The following SLC2A9 variants were observed in gnomAD, a reference collection of about 807,000 sequenced individuals.
The protein encoded by SLC2A9 is solute carrier family 2 member 9.
SLC2A9 carries 39 observed loss-of-function variants against 50.6 expected under a neutral mutation model. The ratio of observed to expected loss-of-function variants is 0.77; its 90% CI spans 0.60 to 1.01. SLC2A9 has a LOEUF of 1.01. Among genes scored for constraint, SLC2A9 ranks in the 50% least tolerant of loss-of-function variants. The pLI is 0.00. For synonymous variants in SLC2A9, 324 were observed against 276.9 expected (o/e 1.17, Z -1.69); for missense variants, 686 against 677.6 (o/e 1.01, Z -0.14).
At chr4:9,841,016 T>C (rs1048019091) in intron 10 of SLC2A9, among the ~76,000 whole-genome samples, 1 of 152,198 alleles carries the variant, frequency 6.6e-6, no homozygotes, top group Non-Finnish European at 1.5e-5. Context: ...ACTACTCCCA[T>C]GATTCAATCA....
intron 1 of SLC2A9, among the ~76,000 whole-genome samples, chr4:10,029,783 A>ATTTTTG (rs949375328): frequency 1.3e-4 from 20 of 151,570 alleles, no homozygotes; most frequent in African/African-American, 4.4e-4. Context: ...TGCCTGGCTA[A>ATTTTTG]TTTTTGTTTT....
chr4:9,826,626 C>T (rs770856496), intron 11 of SLC2A9, 26 bp from the exon 12 acceptor site: 3 of 1,602,800 alleles, frequency 1.9e-6, no homozygotes, highest in African/African-American at 2.7e-5. Context: ...GACAAAAACC[C>T]TCAAATAGAT....
At chr4:9,805,339 C>A (rs180775016) in intron 3 of SLC2A9, among the ~76,000 whole-genome samples, 60 of 152,350 alleles carry the variant, frequency 3.9e-4, no homozygotes, top group African/African-American at 1.3e-3. Context: ...TCAGACGCAA[C>A]ACACATCATG....
chr4:9,840,947 C>T (rs2043060496), intron 10 of SLC2A9, among the ~76,000 whole-genome samples: 1 of 152,124 alleles, frequency 6.6e-6, no homozygotes, highest in South Asian at 2.1e-4. Context: ...GAAACTTCCA[C>T]TTTGAAACCA....
intron 10 of SLC2A9, among the ~76,000 whole-genome samples, chr4:9,842,147 T>C (rs1560178948): frequency 1.3e-5 from 2 of 152,228 alleles, no homozygotes; most frequent in Non-Finnish European, 2.9e-5. Flanking sequence ...TTAACGACTC[T>C]TTTCCTGCTC....
chr4:9,892,637 G>T (rs117315041), intron 8 of SLC2A9, among the ~76,000 whole-genome samples: 106 of 152,262 alleles, frequency 7.0e-4, no homozygotes, highest in East Asian at 6.4e-3. Flanking sequence ...TTTTTGCAGG[G>T]TAGCTGTGAG....
In SLC2A9 at chr4:9,782,168, C is replaced by G. The variant is rs144460797; in HGVS notation, n.386-2103G>C. 4.0e-5 allele frequency: 64 copies of G among 1,594,932 alleles called. No individual in the cohort carries two copies. Among genetic ancestry groups the G allele is most frequent in the Non-Finnish European group, 3.3e-5 (39 of 1,170,148 alleles). ...CTCACAGGTGGTCACCGCCTGCCTG[C>G]TGACCCTACTCATCATCTGGACCCT... is the stretch of plus-strand genomic sequence containing the variant. On this transcript the variant is annotated intron_variant and non_coding_transcript_variant, in intron 3 of 3. Coordinates refer to the SLC2A9 transcript ENST00000503803.
At chr4:9,817,691 G>C (rs1182724683) in intron 3 of SLC2A9, among the ~76,000 whole-genome samples, 1 of 152,116 alleles carries the variant, frequency 6.6e-6, no homozygotes, top group African/African-American at 2.4e-5. Flanking sequence ...CATTATAAGG[G>C]AACACTCCTA....
chr4:9,785,699 A>G (rs370414516), intron 3 of SLC2A9, among the ~76,000 whole-genome samples: 1 of 152,232 alleles, frequency 6.6e-6, no homozygotes, highest in East Asian at 1.9e-4. Flanking sequence ...TGCTCTAGGC[A>G]TTGTTCTAGA....
intron 10 of SLC2A9, among the ~76,000 whole-genome samples, chr4:9,867,919 C>G (rs752769839): frequency 1.3e-5 from 2 of 151,704 alleles, no homozygotes; most frequent in Admixed American, 6.6e-5. Context: ...CACATGCGTG[C>G]CCCCCCCACC....
chr4:9,782,050 CG>C lies in SLC2A9; in HGVS notation n.386-1986del, dbSNP rs1718478765. On this transcript the variant is annotated intron_variant and non_coding_transcript_variant, in intron 3 of 3. Coordinates refer to the SLC2A9 transcript ENST00000503803. ...CCGAAATGCTGCCGCCAGGCAGCAA[CG>C]GCACCGCGTACCCGGGGCAGTTCGC... The C allele has an allele frequency of 3.4e-6, 5 of 1,480,470 alleles. No homozygotes were observed. In the Admixed American group the frequency reaches 7.4e-5, roughly 22 times the overall value. 91.7% of individuals were successfully genotyped at this position (1,480,470 alleles called of 1,614,324 possible).
chr4:9,866,754 T>C (rs918407475), intron 10 of SLC2A9, among the ~76,000 whole-genome samples: 10 of 152,200 alleles, frequency 6.6e-5, no homozygotes, highest in African/African-American at 2.2e-4. Context: ...GAGCTGCATC[T>C]AACTCGCTTC....
chr4:10,035,152 C>T (rs916201712), intron 1 of SLC2A9: 1 of 152,260 alleles, frequency 6.6e-6, no homozygotes, highest in Non-Finnish European at 1.5e-5. Context: ...TTCCAAGGGC[C>T]AAGTCCTGGT....
rs1016954961 is a variant in SLC2A9, at chr4:9,898,584, T to A, written c.1114-7873A>T. 7.2e-5 allele frequency among the ~76,000 whole-genome samples: 11 copies of A among 152,252 alleles called. No individual in the cohort carries two copies. The East Asian group carries it at 2.1e-3, about 29-fold the overall frequency. ...AGCGTCCTACATGAGTTCTTCCCTGTGCCAGGGTGAGCCTTTTGGTCGTAG... is the reference window on the plus strand; with the variant it reads ...AGCGTCCTACATGAGTTCTTCCCTGAGCCAGGGTGAGCCTTTTGGTCGTAG... On this transcript the variant is annotated intron_variant, in intron 8 of 11. Coordinates refer to ENST00000264784, the MANE Select transcript of SLC2A9 (RefSeq NM_020041.3).
chr4:9,962,045 A>T (rs1752352100), intron 5 of SLC2A9, among the ~76,000 whole-genome samples: 1 of 152,228 alleles, frequency 6.6e-6, no homozygotes, highest in South Asian at 2.1e-4. Flanking sequence ...CAGAATGGAG[A>T]TTATTAAAAA....
intron 3 of SLC2A9, among the ~76,000 whole-genome samples, chr4:9,813,262 C>A (rs1723114428): frequency 6.6e-6 from 1 of 152,198 alleles, no homozygotes; most frequent in African/African-American, 2.4e-5. Flanking sequence ...CCAAAACCAT[C>A]AACCAGTTTC....
intron 6 of SLC2A9, among the ~76,000 whole-genome samples, chr4:9,937,212 C>T (rs565035821): frequency 2.0e-5 from 3 of 152,294 alleles, no homozygotes; most frequent in Admixed American, 2.0e-4. Context: ...TTCTTTAAAA[C>T]GAAGAAGTGT....
chr4:10,003,029 G>A (rs1288409940), intron 2 of SLC2A9, among the ~76,000 whole-genome samples: 2 of 152,180 alleles, frequency 1.3e-5, no homozygotes, highest in African/African-American at 4.8e-5. Context: ...AAGACAGGGG[G>A]TAGAGGCTGC....
intron 11 of SLC2A9, among the ~76,000 whole-genome samples, chr4:9,833,750 T>G (rs1726565811): frequency 6.6e-6 from 1 of 152,060 alleles, no homozygotes; most frequent in African/African-American, 2.4e-5. Flanking sequence ...TCCAGAATAG[T>G]TGGTGAGGGG....
Sources: allele counts gnomAD v4.1 joint callset (sites outside exome capture counted in the v4.1 genomes callset), GRCh38; gene constraint gnomAD v4.1.1; transcripts MANE v1.5; gene names NCBI Gene and HGNC (gene_info 2026-07-23, HGNC 2026-07-21).